Variants in SMARCAL1 observed in about 807,000 individuals in gnomAD.
The protein encoded by SMARCAL1 is ATP-driven annealing helicase.
A neutral mutation model predicts 94.5 loss-of-function variants in SMARCAL1; 58 were observed. The ratio of observed to expected loss-of-function variants is 0.61; its 90% CI spans 0.50 to 0.76. The LOEUF (loss-of-function observed/expected upper bound fraction) is 0.76. Ranked by LOEUF, SMARCAL1 falls within the 30% of genes least tolerant of loss-of-function variation. The pLI is 0.00. For synonymous variants in SMARCAL1, 422 were observed against 455.1 expected, an observed-to-expected ratio of 0.93 and a Z score of 0.93; for missense variants, 1,051 against 1,177.9, an observed-to-expected ratio of 0.89 and a Z score of 1.58.
intron 12 of SMARCAL1, among the ~76,000 whole-genome samples, chr2:216,456,506 ACT>A (rs961682643): frequency 6.6e-6 from 1 of 151,974 alleles, no homozygotes; most frequent in African/African-American, 2.4e-5. Context: ...CTCGGCAGAA[ACT>A]CTACAAGCCA....
chr2:216,481,950 G>A (rs1020412454), intron 17 of SMARCAL1, among the ~76,000 whole-genome samples: 7 of 152,198 alleles, frequency 4.6e-5, no homozygotes, highest in African/African-American at 1.7e-4. Context: ...GATAGTGATC[G>A]TGTGTTGTGG....
intron 14 of SMARCAL1, among the ~76,000 whole-genome samples, chr2:216,471,241 A>T (rs1045150338): frequency 6.6e-6 from 1 of 152,242 alleles, no homozygotes; most frequent in Non-Finnish European, 1.5e-5. Context: ...ACAATAGCTG[A>T]TCACTGGGTG....
At chr2:216,427,398 T>C (rs1693859618) in intron 6 of SMARCAL1, 1 of 152,242 alleles carries the variant, frequency 6.6e-6, no homozygotes, top group African/African-American at 2.4e-5. Context: ...TACAAAGCCC[T>C]GCCTTTTCTA....
chr2:216,427,544 C>T (rs1441350134), intron 6 of SMARCAL1: 1 of 152,172 alleles, frequency 6.6e-6, no homozygotes, highest in Non-Finnish European at 1.5e-5. Flanking sequence ...TCAACATACT[C>T]AGATTTAATT....
intron 9 of SMARCAL1, among the ~76,000 whole-genome samples, chr2:216,437,785 CTA>C (rs3836032): frequency 6.0e-4 from 90 of 150,714 alleles, no homozygotes; most frequent in Middle Eastern, 6.8e-3. Flanking sequence ...GAAAAACAAA[CTA>C]TATATATATA....
At chr2:216,416,680 A>G (rs1022088281) in intron 4 of SMARCAL1, among the ~76,000 whole-genome samples, 1 of 152,214 alleles carries the variant, frequency 6.6e-6, no homozygotes, top group Non-Finnish European at 1.5e-5. Context: ...TCAAACCCTG[A>G]CAGTCTGACT....
intron 12 of SMARCAL1, among the ~76,000 whole-genome samples, chr2:216,452,883 G>A (rs1574469154): frequency 1.3e-5 from 2 of 152,176 alleles, no homozygotes; most frequent in African/African-American, 2.4e-5. Flanking sequence ...GAGCTTGTTG[G>A]TGATGCTATG....
At chr2:216,449,923 T>C (rs1446469524) in intron 11 of SMARCAL1, among the ~76,000 whole-genome samples, 4 of 152,004 alleles carry the variant, frequency 2.6e-5, no homozygotes, top group African/African-American at 4.8e-5. Context: ...CTGCAACCTC[T>C]GCCTCCCAGG....
At chr2:216,466,602 G>A (rs1222281298) in intron 13 of SMARCAL1, among the ~76,000 whole-genome samples, 1 of 152,140 alleles carries the variant, frequency 6.6e-6, no homozygotes, top group African/African-American at 2.4e-5. Context: ...GTGGTAGGCA[G>A]ATATTTCCAG....
intron 10 of SMARCAL1, among the ~76,000 whole-genome samples, chr2:216,441,586 A>G (rs938063548): frequency 7.2e-5 from 11 of 152,220 alleles, no homozygotes; most frequent in African/African-American, 2.4e-4. Flanking sequence ...AGTATCAGAC[A>G]TGCGGTTGTT....
chr2:216,424,323 A>G (rs1260978798), intron 6 of SMARCAL1, among the ~76,000 whole-genome samples: 1 of 152,248 alleles, frequency 6.6e-6, no homozygotes, highest in Non-Finnish European at 1.5e-5. Flanking sequence ...ATGCCTGGAA[A>G]AAGGAAATAT....
chr2:216,460,121 C>G (rs1694662785), intron 12 of SMARCAL1, among the ~76,000 whole-genome samples: 1 of 152,160 alleles, frequency 6.6e-6, no homozygotes, highest in Admixed American at 6.5e-5. Context: ...AAATGCAAAT[C>G]AAAACCACAA....
Position 216,480,278 on chromosome 2 carries a change from G to C in SMARCAL1, c.2625+1979G>C, listed in dbSNP as rs186212886. ...TCAACTACTAGAAAAAGAAAATGTTGCTTCCAATATAGGAGACAAAAGCAG... is the reference window on the plus strand; with the variant it reads ...TCAACTACTAGAAAAAGAAAATGTTCCTTCCAATATAGGAGACAAAAGCAG... On this transcript the variant is annotated intron_variant, in intron 17 of 17. Transcript: ENST00000357276. Among the ~76,000 whole-genome samples the C allele has an allele frequency of 1.8e-3, 269 of 152,258 alleles. 1 individual carries two copies. Among genetic ancestry groups the C allele is most frequent in the African/African-American group, 6.2e-3 (259 of 41,556 alleles).
At chr2:216,460,136 A>G (rs2106067059) in intron 12 of SMARCAL1, among the ~76,000 whole-genome samples, 1 of 152,330 alleles carries the variant, frequency 6.6e-6, no homozygotes, top group East Asian at 1.9e-4. Context: ...CCACAATGAG[A>G]TACCATCTCA....
chr2:216,475,481 C>T lies in SMARCAL1; in HGVS notation c.2427+30C>T. 1 of 1,607,404 alleles carries T rather than the reference C, an allele frequency of 6.2e-7. No homozygotes were observed. The highest frequency in any genetic ancestry group is 8.5e-7 in the Non-Finnish European group (1 of 1,173,844). On this transcript the variant is annotated intron_variant, in intron 15 of 17. Transcript: ENST00000357276. The surrounding 1 kb of genome is among the most constrained non-coding windows in gnomAD (Gnocchi z 4.4). ...GAGACGCAGAAGACTCAGATACTCCCCAGGCATGCTCATGGCTGTGGGCAG... is the reference window on the plus strand; with the variant it reads ...GAGACGCAGAAGACTCAGATACTCCTCAGGCATGCTCATGGCTGTGGGCAG...
chr2:216,429,799 A>C (rs1162686599), intron 7 of SMARCAL1, among the ~76,000 whole-genome samples: 3 of 152,084 alleles, frequency 2.0e-5, no homozygotes, highest in Non-Finnish European at 4.4e-5. Flanking sequence ...ACCTGGCCCC[A>C]GCCCTTCCCC....
chr2:216,441,408 G>T (rs967390764), intron 10 of SMARCAL1, among the ~76,000 whole-genome samples: 1 of 152,144 alleles, frequency 6.6e-6, no homozygotes, highest in Non-Finnish European at 1.5e-5. Flanking sequence ...AAGTAGACCA[G>T]ATAGAAGCTA....
rs1693570309 is a variant in SMARCAL1, at chr2:216,415,337, A to G, written c.633A>G (p.Ser211=). ...ACATTTCTTACATCCATTCTAGCTC[A>G]GAGAGTGTAACGCCCAGGACAGAAG... ...GQNISYIHSS[S]ESVTPRTEGR... is the part of the protein sequence containing the mutation. The change falls in exon 3 of 18, where the codon TCA becomes TCG. Residue 211 remains serine (S), a synonymous_variant. Transcript: ENST00000357276. 6.2e-7 allele frequency: 1 copy of G among 1,614,134 alleles called. No individual in the cohort carries two copies. The highest frequency in any genetic ancestry group is 8.5e-7 in the Non-Finnish European group (1 of 1,179,936).
chr2:216,431,890 C>T (rs926110364), intron 7 of SMARCAL1, among the ~76,000 whole-genome samples: 1 of 152,202 alleles, frequency 6.6e-6, no homozygotes, highest in Non-Finnish European at 1.5e-5. Context: ...ATCCTTTTCT[C>T]GCCTCTGTCC....
Sources: gnomAD v4.1 joint callset for allele counts (sites outside exome capture counted in the v4.1 genomes callset) on GRCh38, gnomAD v4.1.1 for gene constraint, Gnocchi (gnomAD v3.1) non-coding constraint, MANE v1.5 for transcripts, NCBI Gene and HGNC (gene_info 2026-07-23, HGNC 2026-07-21) for gene names.